ANKRD30B: variants seen among roughly 807,000 people sequenced by gnomAD.
ANKRD30B encodes the protein ankyrin repeat domain 30B.
Under a neutral mutation model 202.2 loss-of-function variants are expected in ANKRD30B, and 144 were observed. The observed-to-expected ratio is 0.71, with a 90% CI of 0.62 to 0.82. ANKRD30B has a LOEUF of 0.82. ANKRD30B is among the 40% of genes least tolerant of loss of function. The pLI is 0.00. For synonymous variants in ANKRD30B, 508 were observed against 561.3 expected, an observed-to-expected ratio of 0.91 and a Z score of 1.34; for missense variants, 1,487 against 1,669.1, an observed-to-expected ratio of 0.89 and a Z score of 1.90.
the ANKRD30B span, among the ~76,000 whole-genome samples, chr18:14,931,830 C>T: frequency 6.7e-6 from 1 of 150,324 alleles, no homozygotes; most frequent in Non-Finnish European, 1.5e-5. Flanking sequence ...ACAGAGAAGA[C>T]TCTGGCCTGA....
chr18:14,753,112 G>C (rs1913735752), intron 3 of ANKRD30B, 100 bp downstream of exon 3: 1 of 970,040 alleles, frequency 1.0e-6, no homozygotes. Flanking sequence ...AACATTCCTT[G>C]AGTGAAAATA....
At chr18:14,816,694 A>G in intron 30 of ANKRD30B, 1 of 152,138 alleles carries the variant, frequency 6.6e-6, no homozygotes, top group Admixed American at 6.5e-5. Context: ...TCACAACAGC[A>G]AAGACTTGGA....
intron 30 of ANKRD30B, chr18:14,816,799 C>A (rs936601091): frequency 2.0e-5 from 3 of 152,184 alleles, no homozygotes; most frequent in Non-Finnish European, 4.4e-5. Context: ...ATGATAAGTT[C>A]ATGTCCTTTG....
rs574849445 is a variant in ANKRD30B, at chr18:14,824,542, AGAATAATG to A, written c.2743+1866_2743+1873del. Among the ~76,000 whole-genome samples the A allele has an allele frequency of 7.9e-4, 121 of 152,308 alleles. 1 individual carries two copies. In the Middle Eastern group the frequency reaches 0.01, roughly 13 times the overall value. The stretch of plus-strand genomic sequence containing the variant: ...CAAATGTTCTTACTGTGATTAGCTT[AGAATAATG>A]ATTTCTCATTTTGTAGATGAGATGG... On this transcript the variant is annotated intron_variant, in intron 32 of 43. Coordinates refer to ENST00000690538, the MANE Select transcript of ANKRD30B (RefSeq NM_001367607.2).
intron 24 of ANKRD30B, among the ~76,000 whole-genome samples, chr18:14,805,061 T>A (rs1969422096): frequency 6.7e-6 from 1 of 149,966 alleles, no homozygotes; most frequent in Non-Finnish European, 1.5e-5. Flanking sequence ...CTATGAGGCA[T>A]CAAATATATA....
chr18:14,819,389 G>T (rs1246105891), intron 30 of ANKRD30B, among the ~76,000 whole-genome samples: 1 of 150,200 alleles, frequency 6.7e-6, no homozygotes, highest in African/African-American at 2.4e-5. Context: ...TGTCAATTTT[G>T]TCTTTTGTTG....
the ANKRD30B span, among the ~76,000 whole-genome samples, chr18:14,879,686 G>A: frequency 6.6e-6 from 1 of 151,672 alleles, no homozygotes; most frequent in South Asian, 2.1e-4. Context: ...TTGGGATTAG[G>A]GGTTAGGGTG....
chr18:14,840,507 AC>A, intron 36 of ANKRD30B, 80 bp from the exon 37 acceptor site: 1 of 633,092 alleles, frequency 1.6e-6, no homozygotes, highest in South Asian at 4.9e-5. Context: ...CCACTGGGCA[AC>A]CCTGCGAGGC....
chr18:14,915,020 G>A, the ANKRD30B span, among the ~76,000 whole-genome samples: 1 of 152,172 alleles, frequency 6.6e-6, no homozygotes, highest in Non-Finnish European at 1.5e-5. Flanking sequence ...TCCCAAAATA[G>A]CATGGTCAGG....
At chr18:14,837,585 A>G (rs1207963221) in intron 35 of ANKRD30B, 30 bp from the exon 36 acceptor site, 2 of 1,457,230 alleles carry the variant, frequency 1.4e-6, no homozygotes, top group Non-Finnish European at 9.3e-7. Context: ...AAACATTCTC[A>G]TATACATGTC....
chr18:14,845,287 T>C (rs1971585701), intron 39 of ANKRD30B, among the ~76,000 whole-genome samples: 1 of 150,674 alleles, frequency 6.6e-6, no homozygotes, highest in African/African-American at 2.4e-5. Flanking sequence ...AAGGAAGTGG[T>C]CAACTTTCAG....
chr18:14,758,562 A>G (rs1269137935), intron 5 of ANKRD30B, among the ~76,000 whole-genome samples: 1 of 152,194 alleles, frequency 6.6e-6, no homozygotes, highest in Non-Finnish European at 1.5e-5. Context: ...TTTAAAGTTC[A>G]CATACATATT....
At chr18:14,928,697 T>C in the ANKRD30B span, among the ~76,000 whole-genome samples, 1 of 152,240 alleles carries the variant, frequency 6.6e-6, no homozygotes, top group Admixed American at 6.5e-5. Flanking sequence ...TCAGTCTCTA[T>C]AATCCTCAAC....
intron 1 of ANKRD30B, among the ~76,000 whole-genome samples, chr18:14,749,579 G>A (rs1913065979): frequency 6.7e-6 from 1 of 150,014 alleles, no homozygotes; most frequent in African/African-American, 2.5e-5. Flanking sequence ...GCTGAGGCGG[G>A]AGAATTGCTT....
At chr18:14,786,044 C>CAAAAAA (rs10572502) in intron 14 of ANKRD30B, among the ~76,000 whole-genome samples, 4 of 72,748 alleles carry the variant, frequency 5.5e-5, no homozygotes, top group Admixed American at 2.4e-4. Flanking sequence ...GACTCCGTCT[C>CAAAAAA]AAAAAAAAAA....
At chr18:14,764,271 C>G (rs1915741196) in intron 7 of ANKRD30B, among the ~76,000 whole-genome samples, 181 bp downstream of exon 7, 1 of 152,138 alleles carries the variant, frequency 6.6e-6, no homozygotes, top group Admixed American at 6.6e-5. Flanking sequence ...AAAATTCTCA[C>G]AATACTTCTG....
At chr18:14,811,515 G>A (rs575457276) in intron 28 of ANKRD30B, among the ~76,000 whole-genome samples, 3 of 149,594 alleles carry the variant, frequency 2.0e-5, no homozygotes, top group East Asian at 3.9e-4. Context: ...CCGGCCCAGA[G>A]TCTTTTTACA....
rs577272805 is a variant in ANKRD30B, at chr18:14,777,713, G to A, written c.1330-272G>A. Among the ~76,000 whole-genome samples the A allele has an allele frequency of 2.5e-4, 38 of 151,550 alleles. No individual in the cohort carries two copies. The East Asian group carries it at 5.7e-3, about 23-fold the overall frequency. On this transcript the variant is annotated intron_variant, in intron 9 of 43. Transcript: ENST00000690538. ...TCCCAGTGCTTTGGGAGGCTGAGGC[G>A]GGCGGATCACTTGAGGTCAGGAGTT...
At chr18:14,866,867 G>A in the ANKRD30B span, among the ~76,000 whole-genome samples, 10 of 152,064 alleles carry the variant, frequency 6.6e-5, no homozygotes, top group South Asian at 2.1e-4. Context: ...TACCAGCGGC[G>A]GGTGGCAGGG....
Sources: allele counts gnomAD v4.1 joint callset (sites outside exome capture counted in the v4.1 genomes callset), GRCh38; gene constraint gnomAD v4.1.1; transcripts MANE v1.5; gene names NCBI Gene and HGNC (gene_info 2026-07-23, HGNC 2026-07-21).